The following FMR1 variants were observed in gnomAD, a reference collection of about 807,000 sequenced individuals.
FMR1 encodes the protein fragile X messenger ribonucleoprotein 1.
A neutral mutation model predicts 50.6 loss-of-function variants in FMR1; 13 were observed. The ratio of observed to expected loss-of-function variants is 0.26; its 90% confidence interval spans 0.17 to 0.41. The LOEUF is 0.41. Ranked by LOEUF, FMR1 falls within the 10% of genes least tolerant of loss-of-function variation. FMR1 has a pLI of 1.00. For synonymous variants in FMR1, 138 were observed against 164.1 expected (o/e 0.84, Z 1.22); for missense variants, 316 against 491.3 (o/e 0.64, Z 3.37).
At chrX:147,924,467 TTGTGTGTGTG>T (rs3999731) in intron 2 of FMR1, among the ~76,000 whole-genome samples, 6 of 91,083 alleles carry the variant, frequency 6.6e-5, no homozygotes, top group African/African-American at 1.3e-4. Flanking sequence ...AGTATTTTAT[TTGTGTGTGTG>T]TGTGTGTGTG....
rs1557183661 is a variant in FMR1 at position 147,950,937 on chromosome X, C to G, written c.*2093C>G. On this transcript the variant is annotated 3_prime_UTR_variant, in exon 17 of 17. Transcript: ENST00000370475. ...TGAATTACTAACTTCTAAAACTGTA[C>G]TTTGATTCACATGTTTTCAAATGGA... 1.1e-5 allele frequency: 3 copies of G among 278,484 alleles called. No individual in the cohort carries two copies. Among genetic ancestry groups the G allele is most frequent in the Non-Finnish European group, 1.4e-5 (2 of 147,689 alleles). 23.0% of individuals were successfully genotyped at this position (278,484 alleles called of 1,213,427 possible). A position where few individuals can be genotyped will look rare whatever the true frequency, so the allele number is the denominator to read the frequency against.
intron 2 of FMR1, among the ~76,000 whole-genome samples, chrX:147,923,583 A>G (rs1340467910): frequency 8.9e-6 from 1 of 112,095 alleles, no homozygotes; most frequent in Non-Finnish European, 1.9e-5. Context: ...TCTAGTTTAT[A>G]CATTGATTTA....
At chrX:147,913,604 C>G (rs2042704744) in intron 1 of FMR1, 1 of 112,064 alleles carries the variant, frequency 8.9e-6, no homozygotes, top group Admixed American at 9.4e-5. Flanking sequence ...ATTTGGAGAT[C>G]AGTATATTTC....
In FMR1 at chrX:147,932,692, A is replaced by T; in HGVS notation, c.809A>T (p.Asp270Val). Residue 270 changes from aspartate (D) to valine (V), a missense_variant, in exon 9 of 17, where the codon GAT becomes GTT. Around this residue, in one of 4 missense-constraint regions of FMR1, gnomAD observed 124 missense variants for 238.1 expected, o/e 0.52. Transcript: ENST00000370475. Reference protein sequence around the residue: ...CTFHIYGEDQDAVKKARSFLE... With the variant: ...CTFHIYGEDQVAVKKARSFLE... ...TGTTTCCCCTTTTATTAGGATCAGGATGCAGTGAAAAAAGCTAGAAGCTTT... is the reference window on the plus strand; with the variant it reads ...TGTTTCCCCTTTTATTAGGATCAGGTTGCAGTGAAAAAAGCTAGAAGCTTT... 8.3e-7 allele frequency: 1 copy of T among 1,207,582 alleles called. No homozygotes were observed. The highest frequency in any genetic ancestry group is 1.7e-5 in the African/African-American group (1 of 57,701).
At chrX:147,936,647 T>A in intron 10 of FMR1, 34 bp downstream of exon 10, 2 of 901,374 alleles carry the variant, frequency 2.2e-6, no homozygotes, top group Non-Finnish European at 3.3e-6. Flanking sequence ...GTGGCACATA[T>A]AATAAAAGTA....
rs1557182948 is a variant in FMR1 at position 147,949,461 on chromosome X, A to G, written c.*617A>G. On this transcript the variant is annotated 3_prime_UTR_variant, in exon 17 of 17. Transcript: ENST00000370475. ...AGTTCAGGGAAGATAAGTTGGAAAC[A>G]CTAAATGTTAAAGATGTAGCAAACC... The G allele has an allele frequency of 3.0e-6, 1 of 329,832 alleles. No individual in the cohort carries two copies. The allele number at this position is 329,832 out of a possible 1,213,427, so 27.2% of individuals were successfully genotyped here. A position where few individuals can be genotyped will look rare whatever the true frequency, so the allele number is the denominator to read the frequency against.
intron 1 of FMR1, among the ~76,000 whole-genome samples, chrX:147,921,211 A>T (rs1404880193): frequency 8.9e-6 from 1 of 111,921 alleles, no homozygotes; most frequent in Non-Finnish European, 1.9e-5. Flanking sequence ...ACCTATTAAA[A>T]GGTTAATTTT....
At chrX:147,947,026 C>T (rs900996384) in intron 16 of FMR1, 2 of 112,445 alleles carry the variant, frequency 1.8e-5, no homozygotes, top group Non-Finnish European at 1.9e-5. Context: ...GGCAGTCTAA[C>T]TGCATTGGTT....
intron 2 of FMR1, among the ~76,000 whole-genome samples, chrX:147,923,746 A>T (rs1350546032): frequency 1.8e-5 from 2 of 112,086 alleles, no homozygotes; most frequent in African/African-American, 6.5e-5. Context: ...GAAATAGATC[A>T]TTGATTTTTC....
At position 147,949,182 on chromosome X, in the gene FMR1, T is replaced by G. The variant is rs781919982; in HGVS notation, c.*338T>G. ...TGGGTGATCATTCACCAGTACATTCTCAGTTTTTCTTAATATATAGCATTT... is the reference window on the plus strand; with the variant it reads ...TGGGTGATCATTCACCAGTACATTCGCAGTTTTTCTTAATATATAGCATTT... On this transcript the variant is annotated 3_prime_UTR_variant, in exon 17 of 17. Coordinates refer to ENST00000370475, the MANE Select transcript of FMR1 (RefSeq NM_002024.6). 2.2e-5 allele frequency: 8 copies of G among 359,491 alleles called. No individual in the cohort carries two copies. Among genetic ancestry groups the G allele is most frequent in the Non-Finnish European group, 1.6e-5 (3 of 191,361 alleles). 29.6% of individuals were successfully genotyped at this position (359,491 alleles called of 1,213,427 possible). A position where few individuals can be genotyped will look rare whatever the true frequency, so the allele number is the denominator to read the frequency against.
intron 13 of FMR1, among the ~76,000 whole-genome samples, chrX:147,941,238 C>T (rs1486344798): frequency 9.0e-6 from 1 of 111,650 alleles, no homozygotes; most frequent in African/African-American, 3.3e-5. Flanking sequence ...GGAGCAAGCA[C>T]TGGATGGGCA....
chrX:147,945,159 C>T (rs1486766022), intron 15 of FMR1, 108 bp downstream of exon 15: 74 of 1,083,301 alleles, frequency 6.8e-5, no homozygotes, highest in Non-Finnish European at 8.8e-5. Flanking sequence ...CCATCTCTCC[C>T]GTTTTGTGCT....
rs1603040456 is a variant in FMR1, at chrX:147,945,854, A to C, written c.1737+238A>C. On this transcript the variant is annotated intron_variant, in intron 16 of 16. Coordinates refer to ENST00000370475, the MANE Select transcript of FMR1 (RefSeq NM_002024.6). ...TATTTGTGAAGACCTTGACAGCCAC[A>C]CTATGATTTTATTATTTATTATTTA... 1.0e-5 allele frequency: 3 copies of C among 287,206 alleles called. No individual in the cohort carries two copies. The East Asian group carries it at 1.7e-4, about 16-fold the overall frequency. The allele number at this position is 287,206 out of a possible 1,213,427, so 23.7% of individuals were successfully genotyped here.
chrX:147,946,695 G>C (rs1557182058), intron 16 of FMR1, among the ~76,000 whole-genome samples: 1 of 112,336 alleles, frequency 8.9e-6, no homozygotes, highest in South Asian at 3.7e-4. Flanking sequence ...CTGATTCTCT[G>C]AATCTATGTT....
Position 147,943,255 on chromosome X carries a change from A to G in FMR1, c.1400A>G (p.Gln467Arg). 1.7e-6 allele frequency: 2 copies of G among 1,211,327 alleles called. No homozygotes were observed. Among genetic ancestry groups the G allele is most frequent in the Non-Finnish European group, 2.2e-6 (2 of 895,146 alleles). ...AAAAGCTATGTGACTGATGATGGTC[A>G]AGGAATGGGTCGAGGTAGTAGACCT... The part of the protein sequence containing the change: ...KEKSYVTDDG[Q>R]GMGRGSRPYR... Residue 467 changes from glutamine (Q) to arginine (R), a missense_variant, in exon 14 of 17, where the codon CAA becomes CGA. Physicochemically the swap from Gln to Arg is conservative, Grantham distance 43. Transcript: ENST00000370475.
At chrX:147,939,347 T>C (rs1256581918) in intron 12 of FMR1, among the ~76,000 whole-genome samples, 2 of 111,304 alleles carry the variant, frequency 1.8e-5, no homozygotes, top group East Asian at 2.8e-4. Flanking sequence ...TGTTAAGTAG[T>C]GTCCATAGAG....
At chrX:147,931,284 T>TA (rs2043598085) in intron 7 of FMR1, among the ~76,000 whole-genome samples, 1 of 111,853 alleles carries the variant, frequency 8.9e-6, no homozygotes, top group Non-Finnish European at 1.9e-5. Context: ...TGATCTATCA[T>TA]ACTTTTGGCT....
intron 10 of FMR1, among the ~76,000 whole-genome samples, chrX:147,936,927 A>G (rs782195880): frequency 5.4e-5 from 6 of 111,818 alleles, no homozygotes; most frequent in Non-Finnish European, 1.1e-4. Flanking sequence ...ATATATGTAA[A>G]TGCTTCGTAA....
chrX:147,917,739 T>A (rs782035139), intron 1 of FMR1, among the ~76,000 whole-genome samples: 1 of 112,066 alleles, frequency 8.9e-6, no homozygotes, highest in East Asian at 2.8e-4. Flanking sequence ...CACCTATGTG[T>A]GTAATTTCAT....
Sources: gnomAD v4.1 joint callset for allele counts (sites outside exome capture counted in the v4.1 genomes callset) on GRCh38, gnomAD v4.1.1 for gene constraint, gnomAD v4.1.1 regional missense constraint, MANE v1.5 for transcripts, NCBI Gene and HGNC (gene_info 2026-07-23, HGNC 2026-07-21) for gene names.